The following CREM variants were observed in gnomAD, a reference collection of about 807,000 sequenced individuals.
CREM encodes cAMP responsive element modulator.
In CREM, 13 loss-of-function variants were observed where a neutral mutation model predicts 37.3. The observed-to-expected ratio is 0.35, with a 90% CI of 0.23 to 0.55. CREM has a LOEUF of 0.55. Ranked by LOEUF, CREM falls within the 20% of genes least tolerant of loss-of-function variation. CREM has a pLI of 0.88. For missense variants in CREM, 296 were observed against 362.3 expected, an observed-to-expected ratio of 0.82 and a Z score of 1.49; for synonymous variants, 124 against 120.2, an observed-to-expected ratio of 1.03 and a Z score of -0.21.
At chr10:35,133,425 A>G (rs1393158224) in intron 1 of CREM, among the ~76,000 whole-genome samples, 1 of 151,870 alleles carries the variant, frequency 6.6e-6, no homozygotes, top group Non-Finnish European at 1.5e-5. Flanking sequence ...CAGCCTCCCA[A>G]GTAGCTGGGA....
chr10:35,178,013 G>A (rs770594241), intron 3 of CREM, among the ~76,000 whole-genome samples: 17 of 152,118 alleles, frequency 1.1e-4, no homozygotes, highest in Non-Finnish European at 2.4e-4. Context: ...ACTTCGGGAA[G>A]TATATATTCT....
chr10:35,154,844 T>C (rs1282122656), intron 3 of CREM, among the ~76,000 whole-genome samples: 3 of 152,216 alleles, frequency 2.0e-5, no homozygotes, highest in Non-Finnish European at 1.5e-5. Context: ...TAATAAAAAG[T>C]AACTGGTGAA....
intron 3 of CREM, chr10:35,158,503 G>C (rs943542636): frequency 9.2e-5 from 19 of 207,058 alleles, no homozygotes; most frequent in Non-Finnish European, 1.6e-4. Context: ...CTGAAGTGGA[G>C]AAGGAGGCCC....
intron 7 of CREM, 123 bp from the exon 8 acceptor site, chr10:35,211,131 G>T: frequency 1.0e-6 from 1 of 964,054 alleles, no homozygotes; most frequent in Middle Eastern, 3.4e-4. Context: ...TTGTTATGTG[G>T]CTTTGTACAG....
At chr10:35,172,529 CTG>C (rs1295133305) in intron 3 of CREM, among the ~76,000 whole-genome samples, 1 of 151,130 alleles carries the variant, frequency 6.6e-6, no homozygotes, top group South Asian at 2.1e-4. Context: ...GTGACACAAA[CTG>C]TGTTAGTATT....
chr10:35,173,062 G>C (rs1260639371), intron 3 of CREM, among the ~76,000 whole-genome samples: 2 of 152,172 alleles, frequency 1.3e-5, no homozygotes, highest in Admixed American at 1.3e-4. Context: ...ACTGTGTCAT[G>C]AAATGTGTCC....
At chr10:35,127,416 C>G (rs997958551) in intron 1 of CREM, 2 of 152,026 alleles carry the variant, frequency 1.3e-5, no homozygotes, top group African/African-American at 4.8e-5. Context: ...CCGAGGCCGC[C>G]GGCTCGCCGC....
rs536858049 is a variant in CREM at position 35,130,785 on chromosome 10, A to G, written c.-55+3592A>G. On this transcript the variant is annotated intron_variant, in intron 1 of 7. Coordinates refer to ENST00000685392, the MANE Select transcript of CREM (RefSeq NM_183011.2). ...GCATAGGTGTGTAGTCGGTTGTGCC[A>G]TCTAGGTTTGTTTAAGAGCAGTTTA... is the stretch of plus-strand genomic sequence containing the variant. Among the ~76,000 whole-genome samples, 17 of 152,340 alleles carry G rather than the reference A, an allele frequency of 1.1e-4. No homozygotes were observed. The East Asian group carries it at 2.7e-3, about 24-fold the overall frequency.
intron 3 of CREM, among the ~76,000 whole-genome samples, chr10:35,151,512 A>C (rs528996418): frequency 1.3e-4 from 20 of 152,258 alleles, no homozygotes; most frequent in Non-Finnish European, 2.4e-4. Context: ...AGTAGCTGGG[A>C]TTACAGGCAT....
chr10:35,211,253 G>A lies in CREM; in HGVS notation c.756-1G>A. 6.2e-7 allele frequency: 1 copy of A among 1,612,656 alleles called. No homozygotes were observed. Among genetic ancestry groups the A allele is most frequent in the East Asian group, 2.2e-5 (1 of 44,868 alleles). On this transcript the variant is annotated splice_acceptor_variant, in intron 7 of 7. Transcript: ENST00000685392. LOFTEE classifies it high-confidence loss of function. Reference sequence around the variant, plus strand: ...AGTCATTTGCCTTGTGTTGCTTCCAGGGAAGCTGCCCGGGAGTGTCGCAGG... The same window carrying A: ...AGTCATTTGCCTTGTGTTGCTTCCAAGGAAGCTGCCCGGGAGTGTCGCAGG...
intron 1 of CREM, among the ~76,000 whole-genome samples, chr10:35,134,719 A>G (rs1332471126): frequency 1.3e-5 from 2 of 152,132 alleles, no homozygotes; most frequent in Admixed American, 6.6e-5. Flanking sequence ...TTGTATAGAA[A>G]GCTATATATT....
intron 6 of CREM, among the ~76,000 whole-genome samples, chr10:35,202,452 T>C (rs1806809301): frequency 1.3e-5 from 2 of 152,328 alleles, no homozygotes; most frequent in African/African-American, 4.8e-5. Flanking sequence ...GACAAGGTCT[T>C]GCTATGTTGC....
At chr10:35,208,657 T>C (rs932626159) in intron 7 of CREM, among the ~76,000 whole-genome samples, 5 of 152,192 alleles carry the variant, frequency 3.3e-5, no homozygotes, top group African/African-American at 1.2e-4. Context: ...ACAGCGCGGC[T>C]ACTGAACCTC....
At chr10:35,131,175 G>A (rs1350204392) in intron 1 of CREM, among the ~76,000 whole-genome samples, 1 of 152,086 alleles carries the variant, frequency 6.6e-6, no homozygotes, top group Non-Finnish European at 1.5e-5. Flanking sequence ...AAACATCTTT[G>A]TGCATGTTTT....
chr10:35,204,050 C>T (rs16935910), intron 6 of CREM, among the ~76,000 whole-genome samples: 4 of 152,082 alleles, frequency 2.6e-5, no homozygotes, highest in Non-Finnish European at 5.9e-5. Context: ...TAACCTTCTT[C>T]CCTGGATGTG....
chr10:35,203,727 G>A (rs1266667829), intron 6 of CREM, among the ~76,000 whole-genome samples: 4 of 149,808 alleles, frequency 2.7e-5, no homozygotes, highest in African/African-American at 9.8e-5. Flanking sequence ...TTTTTTTTTT[G>A]TTTTTTGTTT....
Position 35,212,106 on chromosome 10 carries a change from AT to A in CREM, c.*710del, listed in dbSNP as rs1465546527. ...CATCAATAGTGTCCTATGCAATAAA[AT>A]TATTTGCAGGTCTTTAAATCATTTT... On this transcript the variant is annotated 3_prime_UTR_variant, in exon 8 of 8. Coordinates refer to ENST00000685392, the MANE Select transcript of CREM (RefSeq NM_183011.2). 4.5e-6 allele frequency: 1 copy of A among 220,310 alleles called. No individual in the cohort carries two copies. The highest frequency in any genetic ancestry group is 8.8e-6 in the Non-Finnish European group (1 of 113,428). 13.6% of individuals were successfully genotyped at this position (220,310 alleles called of 1,614,324 possible). A position where few individuals can be genotyped will look rare whatever the true frequency, so the allele number is the denominator to read the frequency against.
intron 6 of CREM, among the ~76,000 whole-genome samples, chr10:35,204,483 C>T (rs554117178): frequency 3.3e-5 from 5 of 152,024 alleles, no homozygotes; most frequent in Admixed American, 3.3e-4. Flanking sequence ...GCCTGTAATC[C>T]CAGCTACTCG....
At position 35,160,727 on chromosome 10, in the gene CREM, C is replaced by T. The variant is rs188176833; in HGVS notation, c.168+12236C>T. On this transcript the variant is annotated intron_variant, in intron 3 of 7. Transcript: ENST00000685392. ...TAGCTTAAAACACAAACATATTACA[C>T]AGCTGCATAAAAATGTTTTCTTCTA... Among the ~76,000 whole-genome samples the T allele has an allele frequency of 6.6e-5, 10 of 152,368 alleles. No homozygotes were observed. In the East Asian group the frequency reaches 1.9e-3, roughly 29 times the overall value.
Sources: gnomAD v4.1 joint callset for allele counts (sites outside exome capture counted in the v4.1 genomes callset) on GRCh38, gnomAD v4.1.1 for gene constraint, MANE v1.5 for transcripts, NCBI Gene and HGNC (gene_info 2026-07-23, HGNC 2026-07-21) for gene names.